Variants in HK1 observed in about 807,000 individuals in gnomAD.
HK1 encodes hexokinase-1.
In HK1, 28 loss-of-function variants were observed where a neutral mutation model predicts 91.6. That is an observed-to-expected ratio of 0.31 (90% CI 0.23 to 0.42). HK1 has a LOEUF of 0.42. Ranked by LOEUF, HK1 falls within the 10% of genes least tolerant of loss-of-function variation. The pLI is 1.00. For synonymous variants in HK1, 430 were observed against 468.1 expected (o/e 0.92, Z 1.05); for missense variants, 770 against 1,219.8 (o/e 0.63, Z 5.49).
chr10:69,315,677 G>A, upstream of HK1: 1 of 517,242 alleles, frequency 1.9e-6, no homozygotes, highest in Non-Finnish European at 3.6e-6. Flanking sequence ...TGCAGCATGG[G>A]CCCTGGCCTC....
intron 5 of HK1, among the ~76,000 whole-genome samples, chr10:69,307,294 G>T (rs749212476): frequency 6.6e-6 from 1 of 152,070 alleles, no homozygotes; most frequent in African/African-American, 2.4e-5. Flanking sequence ...CCCCGGGGGA[G>T]GGCAACTTCT....
rs557723100 is a variant in HK1 at position 69,340,545 on chromosome 10, C to T, written c.64-3282C>T. Among the ~76,000 whole-genome samples, 104 of 152,162 alleles carry T rather than the reference C, an allele frequency of 6.8e-4. 1 individual carries two copies. Among genetic ancestry groups the T allele is most frequent in the Non-Finnish European group, 2.2e-4 (15 of 68,002 alleles). ...GGTTACAGGCATGAGCCATTGCTCC[C>T]GGCCTTAAAATTAAAATTAAAAAAT... is the stretch of plus-strand genomic sequence containing the variant. On this transcript the variant is annotated intron_variant, in intron 1 of 17. Transcript: ENST00000359426.
At chr10:69,271,988 C>T (rs369143074) in intron 1 of HK1, among the ~76,000 whole-genome samples, 1 of 152,150 alleles carries the variant, frequency 6.6e-6, no homozygotes, top group African/African-American at 2.4e-5. Context: ...CTCAGCCTCC[C>T]GAGTAGCTGG....
intron 7 of HK1, among the ~76,000 whole-genome samples, chr10:69,374,493 G>C (rs1010800123): frequency 6.6e-6 from 1 of 152,262 alleles, no homozygotes; most frequent in African/African-American, 2.4e-5. Context: ...AGTTATCACA[G>C]GTGGCATGCC....
intron 1 of HK1, among the ~76,000 whole-genome samples, chr10:69,334,743 C>T (rs377009802): frequency 1.2e-4 from 19 of 152,194 alleles, no homozygotes; most frequent in Non-Finnish European, 2.5e-4. Context: ...CTGGCACTCA[C>T]GGTCTAGCTG....
At chr10:69,288,646 T>G in intron 2 of HK1, 1 of 1,084,388 alleles carries the variant, frequency 9.2e-7, no homozygotes, top group Non-Finnish European at 1.4e-6. Flanking sequence ...TGACCCTGCC[T>G]TCTTTGAACT....
At chr10:69,351,978 T>G (rs929564226) in intron 2 of HK1, among the ~76,000 whole-genome samples, 4 of 151,132 alleles carry the variant, frequency 2.6e-5, no homozygotes, top group South Asian at 2.1e-4. Context: ...CTGAATTCAA[T>G]TTTTTCAGTT....
At chr10:69,304,824 C>G (rs924966740) in intron 5 of HK1, among the ~76,000 whole-genome samples, 9 of 152,150 alleles carry the variant, frequency 5.9e-5, no homozygotes, top group Admixed American at 5.9e-4. Context: ...TCATGCTTTC[C>G]TGCTCATGTG....
upstream of HK1, among the ~76,000 whole-genome samples, chr10:69,314,921 C>T (rs1467075843): frequency 6.6e-6 from 1 of 152,214 alleles, no homozygotes; most frequent in Non-Finnish European, 1.5e-5. Context: ...CCACCTCAGC[C>T]TCCCAAAGTG....
At chr10:69,276,582 C>T (rs1844484878) in intron 1 of HK1, among the ~76,000 whole-genome samples, 1 of 151,918 alleles carries the variant, frequency 6.6e-6, no homozygotes, top group Admixed American at 6.6e-5. Flanking sequence ...TTGCTCCAAC[C>T]CGGGAGGCGG....
intron 5 of HK1, among the ~76,000 whole-genome samples, chr10:69,304,227 G>T (rs1264058568): frequency 1.3e-5 from 2 of 151,970 alleles, no homozygotes; most frequent in Non-Finnish European, 2.9e-5. Context: ...CAAGAAGAGG[G>T]TTTGTTTTGG....
chr10:69,343,009 G>A (rs375794082), intron 1 of HK1, among the ~76,000 whole-genome samples: 2 of 152,218 alleles, frequency 1.3e-5, no homozygotes, highest in East Asian at 3.9e-4. Flanking sequence ...GGTTGGGTCA[G>A]GCCTGGTGAA....
At chr10:69,286,385 C>T (rs537763510) in intron 2 of HK1, among the ~76,000 whole-genome samples, 1 of 152,096 alleles carries the variant, frequency 6.6e-6, no homozygotes, top group African/African-American at 2.4e-5. Flanking sequence ...GTAGTCCCAG[C>T]TGCAGAGGCT....
intron 13 of HK1, chr10:69,386,653 G>A (rs780535777): frequency 6.2e-5 from 24 of 389,550 alleles, no homozygotes; most frequent in Middle Eastern, 8.7e-4. Flanking sequence ...GTGGTGGTGC[G>A]CACCTGTAGT....
At chr10:69,323,347 C>A (rs547350678) in intron 1 of HK1, among the ~76,000 whole-genome samples, 34 of 150,858 alleles carry the variant, frequency 2.3e-4, no homozygotes, top group Non-Finnish European at 3.8e-4. Flanking sequence ...CAAAATTAAA[C>A]CTCATCTTAA....
intron 2 of HK1, among the ~76,000 whole-genome samples, chr10:69,357,982 G>A (rs1011804953): frequency 2.0e-5 from 3 of 152,150 alleles, no homozygotes; most frequent in Admixed American, 1.3e-4. Context: ...TTAAATGGGT[G>A]AATTATATGG....
At chr10:69,324,462 C>T (rs575787894) in intron 1 of HK1, among the ~76,000 whole-genome samples, 1 of 152,178 alleles carries the variant, frequency 6.6e-6, no homozygotes, top group African/African-American at 2.4e-5. Context: ...TGTGGTGGCT[C>T]ATGCCTGTAG....
intron 8 of HK1, among the ~76,000 whole-genome samples, chr10:69,378,683 G>C (rs1839239118): frequency 6.6e-6 from 1 of 152,126 alleles, no homozygotes; most frequent in Non-Finnish European, 1.5e-5. Flanking sequence ...GCCTCCCAAA[G>C]TGCTGGGATT....
chr10:69,309,662 G>A (rs193105983), intron 5 of HK1, among the ~76,000 whole-genome samples: 2 of 151,464 alleles, frequency 1.3e-5, no homozygotes, highest in African/African-American at 4.8e-5. Context: ...TTAGCTGGGC[G>A]TGGTGGTGTG....
Sources: gnomAD v4.1 joint callset for allele counts (sites outside exome capture counted in the v4.1 genomes callset) on GRCh38, gnomAD v4.1.1 for gene constraint, MANE v1.5 for transcripts, NCBI Gene and HGNC (gene_info 2026-07-23, HGNC 2026-07-21) for gene names.